The following CPEB3 variants were observed in gnomAD, a reference collection of about 807,000 sequenced individuals.
CPEB3 encodes cytoplasmic polyadenylation element binding protein 3.
CPEB3 carries 20 observed loss-of-function variants against 67.2 expected under a neutral mutation model. That is an observed-to-expected ratio of 0.30 (90% confidence interval 0.21 to 0.43). The LOEUF (loss-of-function observed/expected upper bound fraction) is 0.43, where lower values mean the gene tolerates loss of function less well. CPEB3 is among the 20% of genes least tolerant of loss of function. The pLI, the probability that CPEB3 is intolerant of heterozygous loss-of-function variation, is 1.00. For synonymous variants in CPEB3, 376 were observed against 393.1 expected, an observed-to-expected ratio of 0.96 and a Z score of 0.51; for missense variants, 746 against 968.6, an observed-to-expected ratio of 0.77 and a Z score of 3.05.
Position 92,098,467 on chromosome 10 carries a change from G to A in CPEB3, c.1573-6523C>T, listed in dbSNP as rs192612011. On this transcript the variant is annotated intron_variant, in intron 7 of 9. Coordinates refer to ENST00000265997, the MANE Select transcript of CPEB3 (RefSeq NM_014912.5). ...GGGATTACAAGGCATGCACCACCAC[G>A]CCTGGCTAATTTTGTATTTTTAGTA... Among the ~76,000 whole-genome samples the A allele has an allele frequency of 1.2e-3, 180 of 151,840 alleles. 1 individual carries two copies. The highest frequency in any genetic ancestry group is 8.9e-3 in the Admixed American group (136 of 15,244).
chr10:92,171,740 A>G (rs1167174987), intron 4 of CPEB3, among the ~76,000 whole-genome samples: 1 of 151,932 alleles, frequency 6.6e-6, no homozygotes, highest in Non-Finnish European at 1.5e-5. Flanking sequence ...TCAGCCTCCC[A>G]AGTAGCTGGG....
At chr10:92,285,253 GTTTC>G (rs759512281) in intron 1 of CPEB3, among the ~76,000 whole-genome samples, 24 of 152,164 alleles carry the variant, frequency 1.6e-4, no homozygotes, top group South Asian at 4.2e-4. Flanking sequence ...CTGCATTAAA[GTTTC>G]TTTCTTTCTT....
chr10:92,117,937 T>C (rs1356505011), intron 6 of CPEB3, among the ~76,000 whole-genome samples: 3 of 152,044 alleles, frequency 2.0e-5, no homozygotes, highest in African/African-American at 7.2e-5. Flanking sequence ...ATGAGGAAAA[T>C]GAAGCTTGGA....
chr10:92,287,990 T>C (rs1842613053), intron 1 of CPEB3, among the ~76,000 whole-genome samples: 1 of 152,214 alleles, frequency 6.6e-6, no homozygotes, highest in African/African-American at 2.4e-5. Flanking sequence ...ATGTGGTCTT[T>C]GTGACTGGCT....
At chr10:92,211,536 ATTT>A (rs200179192) in intron 2 of CPEB3, among the ~76,000 whole-genome samples, 7 of 140,766 alleles carry the variant, frequency 5.0e-5, no homozygotes, top group African/African-American at 2.6e-5. Flanking sequence ...ATATATCATA[ATTT>A]TTTTTTTTTT....
At chr10:92,148,486 C>G (rs2133867348) in intron 4 of CPEB3, among the ~76,000 whole-genome samples, 1 of 152,262 alleles carries the variant, frequency 6.6e-6, no homozygotes, top group African/African-American at 2.4e-5. Context: ...ACACACAGCC[C>G]CCTGTATTCT....
At chr10:92,285,167 A>G (rs1012204481) in intron 1 of CPEB3, among the ~76,000 whole-genome samples, 2 of 152,246 alleles carry the variant, frequency 1.3e-5, no homozygotes, top group African/African-American at 4.8e-5. Flanking sequence ...TTCCCTTGAT[A>G]ACTATATTAA....
intron 1 of CPEB3, among the ~76,000 whole-genome samples, chr10:92,248,194 T>G (rs553722234): frequency 4.6e-5 from 7 of 152,344 alleles, no homozygotes; most frequent in South Asian, 4.1e-4. Context: ...CATCCTCCTG[T>G]ATACTTTAAA....
intron 1 of CPEB3, among the ~76,000 whole-genome samples, chr10:92,266,598 G>A (rs1172144055): frequency 6.6e-6 from 1 of 151,976 alleles, no homozygotes; most frequent in East Asian, 1.9e-4. Flanking sequence ...AAAAAGACAA[G>A]CTTATCCTAC....
intron 4 of CPEB3, among the ~76,000 whole-genome samples, chr10:92,169,503 G>A (rs1019093505): frequency 6.6e-6 from 1 of 152,214 alleles, no homozygotes; most frequent in Non-Finnish European, 1.5e-5. Flanking sequence ...CTCTCCCCCA[G>A]TAAAGACAAT....
intron 6 of CPEB3, among the ~76,000 whole-genome samples, chr10:92,112,306 G>A (rs371345360): frequency 1.1e-4 from 17 of 151,848 alleles, no homozygotes; most frequent in South Asian, 2.1e-4. Flanking sequence ...CACCACATCC[G>A]TCTAATTTTT....
chr10:92,240,922 G>A (rs913433717), intron 1 of CPEB3, among the ~76,000 whole-genome samples: 1 of 152,046 alleles, frequency 6.6e-6, no homozygotes. Flanking sequence ...TTCTTGCGTT[G>A]GTAATTGTTT....
chr10:92,063,763 CAA>C (rs75346884), intron 9 of CPEB3, among the ~76,000 whole-genome samples: 1 of 134,998 alleles, frequency 7.4e-6, no homozygotes, highest in African/African-American at 2.7e-5. Flanking sequence ...ACTCAGTATC[CAA>C]AAAAAAAAAA....
At chr10:92,289,732 A>AAAAAAAAAAATAT in intron 1 of CPEB3, among the ~76,000 whole-genome samples, 62 of 75,748 alleles carry the variant, frequency 8.2e-4, no homozygotes, top group Non-Finnish European at 1.1e-3. Flanking sequence ...AAAAAAAAAA[A>AAAAAAAAAAATAT]ATATATATAT....
At chr10:92,273,536 C>T (rs1853392685) in intron 1 of CPEB3, among the ~76,000 whole-genome samples, 1 of 152,080 alleles carries the variant, frequency 6.6e-6, no homozygotes, top group Admixed American at 6.6e-5. Context: ...TACCCATTCT[C>T]TAAAAAAGGT....
chr10:92,276,106 C>T (rs1390843543), intron 1 of CPEB3, among the ~76,000 whole-genome samples: 1 of 151,832 alleles, frequency 6.6e-6, no homozygotes, highest in Non-Finnish European at 1.5e-5. Flanking sequence ...CCTCGACCTC[C>T]CAAAGTGCTG....
At chr10:92,057,809 G>A (rs993494189) in intron 9 of CPEB3, among the ~76,000 whole-genome samples, 1 of 152,050 alleles carries the variant, frequency 6.6e-6, no homozygotes, top group African/African-American at 2.4e-5. Flanking sequence ...GCCTGGTAAT[G>A]CAGAGAATTC....
At position 92,052,360 on chromosome 10, in the gene CPEB3, G is replaced by A. The variant is rs1396249049; in HGVS notation, c.1949C>T (p.Pro650Leu). The A allele has an allele frequency of 3.7e-6, 6 of 1,614,188 alleles. No individual in the cohort carries two copies. Among genetic ancestry groups the A allele is most frequent in the South Asian group, 2.2e-5 (2 of 91,080 alleles). Reference sequence around the variant, plus strand: ...ACAGGTGACGTTGGCACAGAAGAACGGGGCAAACTTCCCACCACAGCGTGT... The same window carrying A: ...ACAGGTGACGTTGGCACAGAAGAACAGGGCAAACTTCCCACCACAGCGTGT... ...QGTRCGGKFAPFFCANVTCLQ... is the reference protein window; with the variant it reads ...QGTRCGGKFALFFCANVTCLQ... Residue 650 changes from proline to leucine, a missense_variant, in exon 10 of 10, where the codon CCG becomes CTG. Physicochemically the swap from Pro to Leu is moderately conservative, Grantham distance 98. Transcript: ENST00000265997.
chr10:92,221,934 A>G (rs1850720475), intron 2 of CPEB3, among the ~76,000 whole-genome samples: 1 of 152,204 alleles, frequency 6.6e-6, no homozygotes, highest in African/African-American at 2.4e-5. Context: ...CCTTTACCAG[A>G]CAATGAATCA....
Sources: allele counts gnomAD v4.1 joint callset (sites outside exome capture counted in the v4.1 genomes callset), GRCh38; gene constraint gnomAD v4.1.1; transcripts MANE v1.5; gene names NCBI Gene and HGNC (gene_info 2026-07-23, HGNC 2026-07-21).